HEG1: variants seen among roughly 807,000 people sequenced by gnomAD.
HEG1 encodes the protein heart development protein with EGF like domains 1, also known as protein HEG homolog 1.
HEG1 carries 56 observed loss-of-function variants against 125.6 expected under a neutral mutation model. The observed-to-expected ratio is 0.45, with a 90% CI of 0.36 to 0.56. The LOEUF (loss-of-function observed/expected upper bound fraction) is 0.56. HEG1 is among the 20% of genes least tolerant of loss of function. The pLI is 0.00. For missense variants in HEG1, 1,523 were observed against 1,670.0 expected (o/e 0.91, Z 1.53); for synonymous variants, 644 against 668.5 (o/e 0.96, Z 0.57).
At chr3:125,046,250 C>A (rs1318910792) in intron 1 of HEG1, among the ~76,000 whole-genome samples, 3 of 152,076 alleles carry the variant, frequency 2.0e-5, no homozygotes, top group Non-Finnish European at 2.9e-5. Flanking sequence ...CACAAGAATT[C>A]CCCTACCCAA....
At position 125,009,773 on chromosome 3, in the gene HEG1, T is replaced by C; in HGVS notation, c.3125A>G (p.Asn1042Ser). 6.2e-7 allele frequency: 1 copy of C among 1,613,760 alleles called. No individual in the cohort carries two copies. The highest frequency in any genetic ancestry group is 8.5e-7 in the Non-Finnish European group (1 of 1,179,700). The change falls in exon 8 of 17, where the codon AAT (asparagine) becomes AGT (serine). Residue 1042 changes from asparagine to serine, a missense_variant. Physicochemically the swap from Asn to Ser is conservative, Grantham distance 46. Coordinates refer to ENST00000311127, the MANE Select transcript of HEG1 (RefSeq NM_020733.2). ...TTTGCAGATAAAGGATCCCTGAGTA[T>C]TGTTGCACATGGCTGTGGATGGGCA... ...NPCPSTAMCN[N>S]TQGSFICKCP...
intron 1 of HEG1, among the ~76,000 whole-genome samples, chr3:125,031,687 A>C (rs377748723): frequency 0.018 from 2,033 of 115,852 alleles, 41 homozygotes; most frequent in African/African-American, 0.055. Context: ...ACATACACAC[A>C]CACACACCCA....
At chr3:124,979,639 T>A (rs981287260) in intron 14 of HEG1, among the ~76,000 whole-genome samples, 2 of 152,290 alleles carry the variant, frequency 1.3e-5, no homozygotes, top group Admixed American at 1.3e-4. Context: ...GAAACACCAG[T>A]AGCCGGATTC....
intron 1 of HEG1, among the ~76,000 whole-genome samples, chr3:125,053,321 A>T (rs1467141570): frequency 1.3e-5 from 2 of 152,228 alleles, no homozygotes; most frequent in African/African-American, 4.8e-5. Context: ...CAGAAAACTC[A>T]GACTCACTGA....
chr3:125,013,731 C>T lies in HEG1; in HGVS notation c.1848G>A (p.Gly616=). 6.2e-7 allele frequency: 1 copy of T among 1,613,934 alleles called. No individual in the cohort carries two copies. The highest frequency in any genetic ancestry group is 1.1e-5 in the South Asian group (1 of 91,080). The change falls in exon 6 of 17, where the codon GGG becomes GGA. Residue 616 remains glycine, a synonymous_variant. Transcript: ENST00000311127. ...ACTCAGTAGAAGGCTGAGCATATTC[C>T]CCGTCATAGGATGAGATGTTACTTC... The part of the protein sequence containing the change: ...TERSNISSYD[G]EYAQPSTESP...
Position 125,012,815 on chromosome 3 carries a change from T to G in HEG1, c.2764A>C (p.Thr922Pro). The part of the protein sequence containing the change: ...TGLIPLTSVP[T>P]SAKEMTTKLG... Reference sequence around the variant, plus strand: ...TTTGTGGTCATTTCTTTTGCTGATGTGGGTACACTGGTCAAAGGGATCAAT... The same window carrying G: ...TTTGTGGTCATTTCTTTTGCTGATGGGGGTACACTGGTCAAAGGGATCAAT... The change falls in exon 6 of 17, where the codon ACA becomes CCA. Residue 922 changes from threonine (T) to proline (P), a missense_variant. Coordinates refer to ENST00000311127, the MANE Select transcript of HEG1 (RefSeq NM_020733.2). 1 of 1,614,002 alleles carries G rather than the reference T, an allele frequency of 6.2e-7. No homozygotes were observed.
rs149088104 is a variant in HEG1, at chr3:124,995,690, G to A, written c.3652+1999C>T. On this transcript the variant is annotated intron_variant, in intron 12 of 16. Coordinates refer to ENST00000311127, the MANE Select transcript of HEG1 (RefSeq NM_020733.2). The stretch of plus-strand genomic sequence containing the variant: ...ATCCACTCCTCAGAGGCCTGATGGT[G>A]CAAATACTGCTGAGAAAGGGCTTCA... Among the ~76,000 whole-genome samples, 5 of 152,342 alleles carry A rather than the reference G, an allele frequency of 3.3e-5. No individual in the cohort carries two copies. The East Asian group carries it at 9.6e-4, about 29-fold the overall frequency.
intron 5 of HEG1, 40 bp from the exon 6 acceptor site, chr3:125,014,030 C>A (rs1281567178): frequency 3.3e-6 from 5 of 1,519,784 alleles, no homozygotes; most frequent in East Asian, 2.3e-5. Flanking sequence ...AATAAAAGAA[C>A]AACAAAACTC....
chr3:125,001,244 T>C (rs1020469041), intron 11 of HEG1, among the ~76,000 whole-genome samples: 2 of 152,180 alleles, frequency 1.3e-5, no homozygotes, highest in Non-Finnish European at 2.9e-5. Flanking sequence ...CTTTTTTTTT[T>C]TTTAACCTAA....
intron 5 of HEG1, among the ~76,000 whole-genome samples, chr3:125,016,826 T>A (rs1473677226): frequency 6.6e-6 from 1 of 152,190 alleles, no homozygotes; most frequent in Non-Finnish European, 1.5e-5. Flanking sequence ...AGAATATACT[T>A]TACATTGATA....
chr3:124,975,875 G>A (rs7620890), intron 15 of HEG1, among the ~76,000 whole-genome samples: 53,740 of 152,078 alleles, frequency 0.35, 10,397 homozygotes, highest in African/African-American at 0.51. Context: ...ATTTTATGCC[G>A]GAATCATATT....
At chr3:125,014,594 A>G in intron 5 of HEG1, 1 of 869,664 alleles carries the variant, frequency 1.1e-6, no homozygotes, top group South Asian at 2.1e-5. Context: ...AGTTCTCTCC[A>G]TAAAGAGCTT....
At position 125,010,685 on chromosome 3, in the gene HEG1, A is replaced by T. The variant is rs1937145088; in HGVS notation, c.2957-130T>A. 3 of 663,850 alleles carry T rather than the reference A, an allele frequency of 4.5e-6. No homozygotes were observed. In the South Asian group the frequency reaches 6.2e-5, roughly 14 times the overall value. 41.1% of individuals were successfully genotyped at this position (663,850 alleles called of 1,614,324 possible). ...TTCTGTTTACTTGCCCTGAAAGGCCACATTACAAAAGTAAAATGGGTTTCC... is the reference window on the plus strand; with the variant it reads ...TTCTGTTTACTTGCCCTGAAAGGCCTCATTACAAAAGTAAAATGGGTTTCC... On this transcript the variant is annotated intron_variant, in intron 6 of 16. Coordinates refer to ENST00000311127, the MANE Select transcript of HEG1 (RefSeq NM_020733.2).
intron 14 of HEG1, among the ~76,000 whole-genome samples, chr3:124,989,421 G>A (rs1445721192): frequency 1.3e-5 from 2 of 152,298 alleles, no homozygotes; most frequent in East Asian, 3.9e-4. Context: ...TGGCACATTT[G>A]TCTGTAGGAT....
At chr3:125,000,703 A>G (rs1190484128) in intron 11 of HEG1, among the ~76,000 whole-genome samples, 1 of 152,010 alleles carries the variant, frequency 6.6e-6, no homozygotes. Context: ...TCTGTAATAT[A>G]CAGGCCCACT....
chr3:124,969,224 C>T lies in HEG1; in HGVS notation c.*1428G>A, dbSNP rs1295046161. 6.6e-6 allele frequency: 1 copy of T among 152,130 alleles called. No homozygotes were observed. Among genetic ancestry groups the T allele is most frequent in the Admixed American group, 6.5e-5 (1 of 15,278 alleles). 9.4% of individuals were successfully genotyped at this position (152,130 alleles called of 1,614,324 possible). ...AAAACCAGGATGCCCCAAAGAAGGC[C>T]AATAAACACAGTTCCCCAGGTGGCA... On this transcript the variant is annotated 3_prime_UTR_variant, in exon 17 of 17. Transcript: ENST00000311127.
chr3:125,014,834 C>G (rs1188712818), intron 5 of HEG1: 1 of 1,289,840 alleles, frequency 7.8e-7, no homozygotes, highest in Non-Finnish European at 1.0e-6. Flanking sequence ...TGCCTGCTTC[C>G]CCAGAAGTCG....
At chr3:125,044,080 C>T (rs7613847) in intron 1 of HEG1, among the ~76,000 whole-genome samples, 11,873 of 152,232 alleles carry the variant, frequency 0.078, 538 homozygotes, top group East Asian at 0.15. Context: ...TTGTCTGGAG[C>T]GTTGACGACT....
intron 1 of HEG1, 105 bp downstream of exon 1, chr3:125,055,470 T>C (rs866837495): frequency 2.6e-6 from 2 of 772,526 alleles, no homozygotes; most frequent in African/African-American, 3.7e-5. Context: ...GCCCCCACCC[T>C]GGGTCGCGCC....
Sources: gnomAD v4.1 joint callset for allele counts (sites outside exome capture counted in the v4.1 genomes callset) on GRCh38, gnomAD v4.1.1 for gene constraint, MANE v1.5 for transcripts, NCBI Gene and HGNC (gene_info 2026-07-23, HGNC 2026-07-21) for gene names.